RAMP2: variants seen among roughly 807,000 people sequenced by gnomAD.
The protein encoded by RAMP2 is receptor activity-modifying protein 2.
Under a neutral mutation model 18.2 loss-of-function variants are expected in RAMP2, and 11 were observed. That is an observed-to-expected ratio of 0.60 (90% confidence interval 0.38 to 1.00). The LOEUF is 1.00. RAMP2 is among the 50% of genes least tolerant of loss of function. The probability of loss-of-function intolerance (pLI) is 0.01; values close to 1 mark genes in which losing one functional copy is unlikely to be tolerated. For synonymous variants in RAMP2, 86 were observed against 90.8 expected, an observed-to-expected ratio of 0.95 and a Z score of 0.30; for missense variants, 191 against 226.5, an observed-to-expected ratio of 0.84 and a Z score of 1.01.
Position 42,762,634 on chromosome 17 carries a change from G to T in RAMP2, c.310G>T (p.Ala104Ser). 1 of 1,613,992 alleles carries T rather than the reference G, an allele frequency of 6.2e-7. No homozygotes were observed. ...CCTGCGAGATTGCCTGGAGCACTTT[G>T]CAGAGTTGTTTGACCTGGGCTTCCC... ...STLRDCLEHF[A>S]ELFDLGFPNP... The change falls in exon 4 of 4, where the codon GCA becomes TCA. Residue 104 changes from alanine to serine, a missense_variant. Coordinates refer to ENST00000253796, the MANE Select transcript of RAMP2 (RefSeq NM_005854.3).
chr17:42,762,271 G>A, intron 2 of RAMP2, 84 bp from the exon 3 acceptor site: 2 of 1,595,776 alleles, frequency 1.3e-6, no homozygotes, highest in Non-Finnish European at 1.7e-6. Flanking sequence ...TTGAAGACAG[G>A]CAGTTCACCT....
At position 42,761,258 on chromosome 17, in the gene RAMP2, C is replaced by A; in HGVS notation, c.-4C>A. ...GCCGCCGCTCCTCGCCTCCTTGCTG[C>A]ACGATGGCCTCGCTCCGGGTGGAGC... On this transcript the variant is annotated 5_prime_UTR_variant, in exon 1 of 4. Transcript: ENST00000253796. The surrounding 1 kb of genome is among the most constrained non-coding windows in gnomAD (Gnocchi z 4.2). The A allele has an allele frequency of 6.9e-7, 1 of 1,458,436 alleles. No individual in the cohort carries two copies. Among genetic ancestry groups the A allele is most frequent in the Non-Finnish European group, 9.0e-7 (1 of 1,110,846 alleles). The allele number at this position is 1,458,436 out of a possible 1,614,324, so 90.3% of individuals were successfully genotyped here.
rs770537957 is a variant in RAMP2 at position 42,762,776 on chromosome 17, T to C, written c.452T>C (p.Ile151Thr). ...GAGGATGTACTCCTGGCCATGATCA[T>C]AGCCCCCATCTGCCTCATCCCCTTC... Reference protein sequence around the residue: ...PPEDVLLAMIIAPICLIPFLI... With the variant: ...PPEDVLLAMITAPICLIPFLI... The change falls in exon 4 of 4, where the codon ATA becomes ACA. Residue 151 changes from isoleucine to threonine, a missense_variant. Coordinates refer to ENST00000253796, the MANE Select transcript of RAMP2 (RefSeq NM_005854.3). The C allele has an allele frequency of 3.0e-5, 49 of 1,613,890 alleles. No homozygotes were observed. Among genetic ancestry groups the C allele is most frequent in the Admixed American group, 2.3e-4 (14 of 59,984 alleles).
At position 42,761,776 on chromosome 17, in the gene RAMP2, C is replaced by G. The variant is rs1309189966; in HGVS notation, c.98-58C>G. The G allele has an allele frequency of 2.2e-5, 32 of 1,445,148 alleles. No individual in the cohort carries two copies. Among genetic ancestry groups the G allele is most frequent in the Non-Finnish European group, 3.1e-5 (32 of 1,028,676 alleles). 89.5% of individuals were successfully genotyped at this position (1,445,148 alleles called of 1,614,324 possible). ...GGTCTCAGTCCCCCAACCCCCCTCGCAGGCTCCACTGCCGGGGTCCCCGCT... is the reference window on the plus strand; with the variant it reads ...GGTCTCAGTCCCCCAACCCCCCTCGGAGGCTCCACTGCCGGGGTCCCCGCT... On this transcript the variant is annotated intron_variant, in intron 1 of 3. Transcript: ENST00000253796. This position sits in a 1 kb window ranked among gnomAD's most constrained non-coding sequence, Gnocchi z 4.2.
chr17:42,761,914 T>C lies in RAMP2; in HGVS notation c.163+15T>C, dbSNP rs1224103930. 1 of 1,549,572 alleles carries C rather than the reference T, an allele frequency of 6.5e-7. No homozygotes were observed. The highest frequency in any genetic ancestry group is 1.4e-5 in the African/African-American group (1 of 73,304). On this transcript the variant is annotated intron_variant, in intron 2 of 3. Transcript: ENST00000253796. This position sits in a 1 kb window ranked among gnomAD's most constrained non-coding sequence, Gnocchi z 4.2. Reference sequence around the variant, plus strand: ...AGGGTCAGAAGGTGGGTACCCAGGGTGTGGAAGGGTGGCCGAGGGTAAGGA... The same window carrying C: ...AGGGTCAGAAGGTGGGTACCCAGGGCGTGGAAGGGTGGCCGAGGGTAAGGA...
chr17:42,762,284 C>T, intron 2 of RAMP2, 71 bp from the exon 3 acceptor site: 1 of 1,603,568 alleles, frequency 6.2e-7, no homozygotes. Context: ...GTTCACCTTG[C>T]AAGCACCTGG....
chr17:42,761,907 C>T lies in RAMP2; in HGVS notation c.163+8C>T. ...GCACACCAGGGTCAGAAGGTGGGTACCCAGGGTGTGGAAGGGTGGCCGAGG... is the reference window on the plus strand; with the variant it reads ...GCACACCAGGGTCAGAAGGTGGGTATCCAGGGTGTGGAAGGGTGGCCGAGG... On this transcript the variant is annotated splice_region_variant and intron_variant, in intron 2 of 3. Coordinates refer to ENST00000253796, the MANE Select transcript of RAMP2 (RefSeq NM_005854.3). The surrounding 1 kb of genome is among the most constrained non-coding windows in gnomAD (Gnocchi z 4.2). The T allele has an allele frequency of 6.4e-7, 1 of 1,563,152 alleles. No homozygotes were observed. Among genetic ancestry groups the T allele is most frequent in the Non-Finnish European group, 8.8e-7 (1 of 1,134,432 alleles).
Position 42,763,041 on chromosome 17 carries a change from A to G in RAMP2, c.*189A>G. 1.6e-6 allele frequency: 1 copy of G among 619,538 alleles called. No homozygotes were observed. Among genetic ancestry groups the G allele is most frequent in the Non-Finnish European group, 2.6e-6 (1 of 380,484 alleles). The allele number at this position is 619,538 out of a possible 1,614,324, so 38.4% of individuals were successfully genotyped here. On this transcript the variant is annotated 3_prime_UTR_variant, in exon 4 of 4. Coordinates refer to ENST00000253796, the MANE Select transcript of RAMP2 (RefSeq NM_005854.3). ...CAAAATAAAACTTTTTTTTTGTACA[A>G]TGTCCTTCTCCCCATTTCAGTGGAA...
In RAMP2 at chr17:42,761,729, C is replaced by A. The variant is rs1405790828; in HGVS notation, c.98-105C>A. 2.1e-6 allele frequency: 2 copies of A among 971,486 alleles called. No individual in the cohort carries two copies. The highest frequency in any genetic ancestry group is 2.6e-5 in the East Asian group (1 of 38,706). The allele number at this position is 971,486 out of a possible 1,614,324, so 60.2% of individuals were successfully genotyped here. On this transcript the variant is annotated intron_variant, in intron 1 of 3. Transcript: ENST00000253796. The surrounding 1 kb of genome is among the most constrained non-coding windows in gnomAD (Gnocchi z 4.2). ...GGGCTAGATTATTCCTCCTTTTCTT[C>A]CAAGGTAGCCTATTTTCGGAGGGTC...
chr17:42,761,870 T>C lies in RAMP2; in HGVS notation c.134T>C (p.Leu45Pro). 1 of 1,592,732 alleles carries C rather than the reference T, an allele frequency of 6.3e-7. No individual in the cohort carries two copies. Among genetic ancestry groups the C allele is most frequent in the Non-Finnish European group, 8.6e-7 (1 of 1,160,642 alleles). Residue 45 changes from leucine (L) to proline (P), a missense_variant, in exon 2 of 4, where the codon CTT becomes CCT. Physicochemically the swap from Leu to Pro is moderately conservative, Grantham distance 98 (BLOSUM62 -3). Coordinates refer to ENST00000253796, the MANE Select transcript of RAMP2 (RefSeq NM_005854.3). This position sits in a 1 kb window ranked among gnomAD's most constrained non-coding sequence, Gnocchi z 4.2. Reference sequence around the variant, plus strand: ...CCCCACGAGGCCCTGGCTCAGCCTCTTCCCACCACAGGCACACCAGGGTCA... The same window carrying C: ...CCCCACGAGGCCCTGGCTCAGCCTCCTCCCACCACAGGCACACCAGGGTCA... ...LNPHEALAQPLPTTGTPGSEG... is the reference protein window; with the variant it reads ...LNPHEALAQPPPTTGTPGSEG...
rs775597852 is a variant in RAMP2 at position 42,762,688 on chromosome 17, G to C, written c.364G>C (p.Glu122Gln). Reference protein sequence around the residue: ...PNPLAERIIFETHQIHFANCS... With the variant: ...PNPLAERIIFQTHQIHFANCS... The stretch of plus-strand genomic sequence containing the variant: ...TCCCTTGGCAGAGAGGATCATCTTT[G>C]AGACTCACCAGATCCACTTTGCCAA... The change falls in exon 4 of 4, where the codon GAG becomes CAG. Residue 122 changes from glutamate (E) to glutamine (Q), a missense_variant. Physicochemically the swap from Glu to Gln is conservative, Grantham distance 29. Coordinates refer to ENST00000253796, the MANE Select transcript of RAMP2 (RefSeq NM_005854.3). 6.2e-7 allele frequency: 1 copy of C among 1,614,074 alleles called. No individual in the cohort carries two copies. Among genetic ancestry groups the C allele is most frequent in the Admixed American group, 1.7e-5 (1 of 60,002 alleles).
rs1427610060 is a variant in RAMP2 at position 42,761,482 on chromosome 17, G to T, written c.97+124G>T. The stretch of plus-strand genomic sequence containing the variant: ...CCCTGGGGTGCGGGTTAGGACCGAC[G>T]TACCTAGCAGCACTGGCCCTCGGAC... On this transcript the variant is annotated intron_variant, in intron 1 of 3. Coordinates refer to ENST00000253796, the MANE Select transcript of RAMP2 (RefSeq NM_005854.3). The surrounding 1 kb of genome is among the most constrained non-coding windows in gnomAD (Gnocchi z 4.2). 4 of 812,240 alleles carry T rather than the reference G, an allele frequency of 4.9e-6. No homozygotes were observed. The highest frequency in any genetic ancestry group is 7.1e-6 in the Non-Finnish European group (4 of 565,614). The allele number at this position is 812,240 out of a possible 1,614,324, so 50.3% of individuals were successfully genotyped here. A position where few individuals can be genotyped will look rare whatever the true frequency, so the allele number is the denominator to read the frequency against.
intron 2 of RAMP2, 28 bp from the exon 3 acceptor site, chr17:42,762,327 G>A (rs2054370606): frequency 6.2e-7 from 1 of 1,613,888 alleles, no homozygotes; most frequent in Non-Finnish European, 8.5e-7. Flanking sequence ...GTAGGGGTGT[G>A]GTCATTGTGT....
At position 42,762,683 on chromosome 17, in the gene RAMP2, T is replaced by C; in HGVS notation, c.359T>C (p.Ile120Thr). 6.2e-7 allele frequency: 1 copy of C among 1,614,090 alleles called. No individual in the cohort carries two copies. Among genetic ancestry groups the C allele is most frequent in the Non-Finnish European group, 8.5e-7 (1 of 1,179,970 alleles). Reference protein sequence around the residue: ...GFPNPLAERIIFETHQIHFAN... With the variant: ...GFPNPLAERITFETHQIHFAN... ...CCCAATCCCTTGGCAGAGAGGATCATCTTTGAGACTCACCAGATCCACTTT... is the reference window on the plus strand; with the variant it reads ...CCCAATCCCTTGGCAGAGAGGATCACCTTTGAGACTCACCAGATCCACTTT... Residue 120 changes from isoleucine to threonine, a missense_variant, in exon 4 of 4, where the codon ATC becomes ACC. Ile to Thr is a moderately conservative substitution (Grantham distance 89). Transcript: ENST00000253796.
chr17:42,761,689 C>A lies in RAMP2; in HGVS notation c.98-145C>A. ...GGTGCCAGCCCCTCCCTCCCCGGCA[C>A]TGAGGCGTCCGTGGGGGCTAGATTA... On this transcript the variant is annotated intron_variant, in intron 1 of 3. Transcript: ENST00000253796. The surrounding 1 kb of genome is among the most constrained non-coding windows in gnomAD (Gnocchi z 4.2). The A allele has an allele frequency of 1.4e-6, 1 of 723,964 alleles. No individual in the cohort carries two copies. The highest frequency in any genetic ancestry group is 2.4e-6 in the Non-Finnish European group (1 of 425,028). 44.8% of individuals were successfully genotyped at this position (723,964 alleles called of 1,614,324 possible). A position where few individuals can be genotyped will look rare whatever the true frequency, so the allele number is the denominator to read the frequency against.
Position 42,762,379 on chromosome 17 carries a change from C to T in RAMP2, c.188C>T (p.Thr63Ile). 9 of 1,614,110 alleles carry T rather than the reference C, an allele frequency of 5.6e-6. No homozygotes were observed. The highest frequency in any genetic ancestry group is 7.6e-6 in the Non-Finnish European group (9 of 1,179,992). Residue 63 changes from threonine to isoleucine, a missense_variant, in exon 3 of 4, where the codon ACA becomes ATA. By Grantham distance (89) the Thr-to-Ile change is moderately conservative. Coordinates refer to ENST00000253796, the MANE Select transcript of RAMP2 (RefSeq NM_005854.3). ...SEGGTVKNYETAVQFCWNHYK... is the reference protein window; with the variant it reads ...SEGGTVKNYEIAVQFCWNHYK... Reference sequence around the variant, plus strand: ...GGGGGGACGGTGAAGAACTATGAGACAGCTGTCCAATTTTGCTGGAATCAT... The same window carrying T: ...GGGGGGACGGTGAAGAACTATGAGATAGCTGTCCAATTTTGCTGGAATCAT...
In RAMP2 at chr17:42,761,285, C is replaced by A. The variant is rs954095060; in HGVS notation, c.24C>A (p.Arg8=). MASLRVE[R]AGGPRLPRTR... ...CGATGGCCTCGCTCCGGGTGGAGCG[C>A]GCCGGCGGCCCGCGTCTCCCTAGGA... The change falls in exon 1 of 4, where the codon CGC becomes CGA. Residue 8 remains arginine (R), a synonymous_variant. Transcript: ENST00000253796. The surrounding 1 kb of genome is among the most constrained non-coding windows in gnomAD (Gnocchi z 4.2). 6 of 1,386,078 alleles carry A rather than the reference C, an allele frequency of 4.3e-6. No individual in the cohort carries two copies. In the African/African-American group the frequency reaches 7.5e-5, roughly 17 times the overall value. 85.9% of individuals were successfully genotyped at this position (1,386,078 alleles called of 1,614,324 possible). A position where few individuals can be genotyped will look rare whatever the true frequency, so the allele number is the denominator to read the frequency against.
chr17:42,761,417 G>A lies in RAMP2; in HGVS notation c.97+59G>A. On this transcript the variant is annotated intron_variant, in intron 1 of 3. Transcript: ENST00000253796. The surrounding 1 kb of genome is among the most constrained non-coding windows in gnomAD (Gnocchi z 4.2). ...CGCGAGAGGCCCCGGAGGGGAGAGG[G>A]GAGAGGGGAGAGGGGCTGGATGGCC... 8.2e-7 allele frequency: 1 copy of A among 1,214,706 alleles called. No individual in the cohort carries two copies. Among genetic ancestry groups the A allele is most frequent in the Non-Finnish European group, 1.1e-6 (1 of 945,382 alleles). The allele number at this position is 1,214,706 out of a possible 1,614,324, so 75.2% of individuals were successfully genotyped here.
rs1179295214 is a variant in RAMP2, at chr17:42,762,352, C to G, written c.164-3C>G. On this transcript the variant is annotated splice_region_variant and splice_polypyrimidine_tract_variant and intron_variant, in intron 2 of 3. Transcript: ENST00000253796. Reference sequence around the variant, plus strand: ...GGTCATTGTGTAGCATCTGTACCTACAGGGGGGACGGTGAAGAACTATGAG... The same window carrying G: ...GGTCATTGTGTAGCATCTGTACCTAGAGGGGGGACGGTGAAGAACTATGAG... 6.2e-7 allele frequency: 1 copy of G among 1,614,028 alleles called. No individual in the cohort carries two copies. Among genetic ancestry groups the G allele is most frequent in the Non-Finnish European group, 8.5e-7 (1 of 1,179,960 alleles).
Sources: gnomAD v4.1 joint callset for allele counts on GRCh38, gnomAD v4.1.1 for gene constraint, Gnocchi (gnomAD v3.1) non-coding constraint, MANE v1.5 for transcripts, NCBI Gene and HGNC (gene_info 2026-07-23, HGNC 2026-07-21) for gene names.